Variants in ANGPT1 observed in about 807,000 individuals in gnomAD.
The protein encoded by ANGPT1 is angiopoietin 1.
A neutral mutation model predicts 62.2 loss-of-function variants in ANGPT1; 17 were observed. The ratio of observed to expected loss-of-function variants is 0.27; its 90% CI spans 0.19 to 0.41. ANGPT1 has a LOEUF of 0.41. Ranked by LOEUF, ANGPT1 falls within the 10% of genes least tolerant of loss-of-function variation. ANGPT1 has a pLI of 1.00. For synonymous variants in ANGPT1, 199 were observed against 198.9 expected (o/e 1.00, Z 0.00); for missense variants, 478 against 594.9 (o/e 0.80, Z 2.04).
At position 107,467,968 on chromosome 8, in the gene ANGPT1, G is replaced by C. The variant is rs74590020; in HGVS notation, c.297+29294C>G. ...AGATGAGAAATCTGATGCTCGGAAAGAGCAAGTTACCTAAAGCTACTTTTA... is the reference window on the plus strand; with the variant it reads ...AGATGAGAAATCTGATGCTCGGAAACAGCAAGTTACCTAAAGCTACTTTTA... On this transcript the variant is annotated intron_variant, in intron 1 of 8. Coordinates refer to ENST00000517746, the MANE Select transcript of ANGPT1 (RefSeq NM_001146.5). 6.4e-3 allele frequency among the ~76,000 whole-genome samples: 975 copies of C among 152,238 alleles called. 9 individuals are homozygous for C. Among genetic ancestry groups the C allele is most frequent in the African/African-American group, 0.023 (942 of 41,570 alleles).
rs75766949 is a variant in ANGPT1, at chr8:107,282,292, G to A, written c.1205+2390C>T. 2.1e-4 allele frequency among the ~76,000 whole-genome samples: 32 copies of A among 151,590 alleles called. No individual in the cohort carries two copies. The East Asian group carries it at 6.1e-3, about 29-fold the overall frequency. On this transcript the variant is annotated intron_variant, in intron 7 of 8. Coordinates refer to ENST00000517746, the MANE Select transcript of ANGPT1 (RefSeq NM_001146.5). Reference sequence around the variant, plus strand: ...TTCTGTTAGGTCCCTGCAGGAAAGAGGCCAGAACCACTAACTTCATGTCAG... The same window carrying A: ...TTCTGTTAGGTCCCTGCAGGAAAGAAGCCAGAACCACTAACTTCATGTCAG...
At position 107,303,089 on chromosome 8, in the gene ANGPT1, T is replaced by C. The variant is rs142018552; in HGVS notation, c.936+151A>G. On this transcript the variant is annotated intron_variant, in intron 5 of 8. Coordinates refer to ENST00000517746, the MANE Select transcript of ANGPT1 (RefSeq NM_001146.5). ...TGTACAATAGGGTTTTCATCCTTTA[T>C]GGACCTGGGAAACAGAGTATCTCTG... 5.4e-4 allele frequency: 460 copies of C among 855,254 alleles called. 1 individual carries two copies. The African/African-American group carries it at 7.5e-3, about 14-fold the overall frequency. 53.0% of individuals were successfully genotyped at this position (855,254 alleles called of 1,614,324 possible).
At chr8:107,359,965 T>C (rs950069033) in intron 1 of ANGPT1, among the ~76,000 whole-genome samples, 10 of 152,150 alleles carry the variant, frequency 6.6e-5, no homozygotes, top group Non-Finnish European at 1.5e-4. Context: ...TCATTCTTAG[T>C]AGGAAACTTA....
intron 8 of ANGPT1, among the ~76,000 whole-genome samples, chr8:107,258,577 T>C (rs1319761054): frequency 1.3e-5 from 2 of 152,320 alleles, no homozygotes; most frequent in South Asian, 4.1e-4. Flanking sequence ...TCCAAACTTA[T>C]AAAAGACATT....
At position 107,459,809 on chromosome 8, in the gene ANGPT1, C is replaced by A. The variant is rs7845457; in HGVS notation, c.297+37453G>T. On this transcript the variant is annotated intron_variant, in intron 1 of 8. Transcript: ENST00000517746. ...TGAAGTAGAGGGAAAGTGGTAGGATCCAAAGACGCATCAAGTGAACAGCAC... is the reference window on the plus strand; with the variant it reads ...TGAAGTAGAGGGAAAGTGGTAGGATACAAAGACGCATCAAGTGAACAGCAC... 5.5e-3 allele frequency among the ~76,000 whole-genome samples: 830 copies of A among 152,154 alleles called. 7 individuals are homozygous for A. Among genetic ancestry groups the A allele is most frequent in the African/African-American group, 0.019 (785 of 41,516 alleles).
Position 107,347,175 on chromosome 8 carries a change from A to G in ANGPT1, c.298-78T>C, listed in dbSNP as rs531136310. The G allele has an allele frequency of 5.6e-6, 8 of 1,421,610 alleles. No homozygotes were observed. In the South Asian group the frequency reaches 8.2e-5, roughly 15 times the overall value. The allele number at this position is 1,421,610 out of a possible 1,614,324, so 88.1% of individuals were successfully genotyped here. A position where few individuals can be genotyped will look rare whatever the true frequency, so the allele number is the denominator to read the frequency against. Reference sequence around the variant, plus strand: ...TCGGGCATGTAATATTTACAATAACAAAACAAGACACCGCTGGCAAATCAG... The same window carrying G: ...TCGGGCATGTAATATTTACAATAACGAAACAAGACACCGCTGGCAAATCAG... On this transcript the variant is annotated intron_variant, in intron 1 of 8. Transcript: ENST00000517746.
At chr8:107,389,706 AG>A (rs1430479224) in intron 1 of ANGPT1, among the ~76,000 whole-genome samples, 1 of 152,202 alleles carries the variant, frequency 6.6e-6, no homozygotes, top group African/African-American at 2.4e-5. Context: ...GCAAAAGAGT[AG>A]GTTTGTAGCT....
rs1307457147 is a variant in ANGPT1, at chr8:107,400,586, G to C, written c.298-53489C>G. Among the ~76,000 whole-genome samples, 4 of 149,032 alleles carry C rather than the reference G, an allele frequency of 2.7e-5. No individual in the cohort carries two copies. In the East Asian group the frequency reaches 7.9e-4, roughly 29 times the overall value. On this transcript the variant is annotated intron_variant, in intron 1 of 8. Transcript: ENST00000517746. ...CTTTTTTTTTTTTTTTTGAGACGGA[G>C]TCTCACTCCATTGCCCAAGCTGGAG...
At chr8:107,261,204 A>G (rs1265398909) in intron 8 of ANGPT1, among the ~76,000 whole-genome samples, 1 of 152,130 alleles carries the variant, frequency 6.6e-6, no homozygotes, top group Non-Finnish European at 1.5e-5. Context: ...CATTTATGAG[A>G]TCAGGGAAGT....
At chr8:107,286,760 C>T (rs1251637451) in intron 6 of ANGPT1, among the ~76,000 whole-genome samples, 1 of 152,126 alleles carries the variant, frequency 6.6e-6, no homozygotes. Flanking sequence ...AGTTAGTACT[C>T]CATTGGCTCT....
chr8:107,366,803 A>C (rs1028801430), intron 1 of ANGPT1, among the ~76,000 whole-genome samples: 1 of 152,212 alleles, frequency 6.6e-6, no homozygotes, highest in Admixed American at 6.5e-5. Flanking sequence ...AGAATATGGC[A>C]GAATAGATGC....
At chr8:107,490,911 C>T (rs867123628) in intron 1 of ANGPT1, among the ~76,000 whole-genome samples, 35 of 152,174 alleles carry the variant, frequency 2.3e-4, no homozygotes, top group African/African-American at 7.2e-4. Flanking sequence ...CAAGGGCCAT[C>T]GCTTGTTGAC....
At position 107,249,709 on chromosome 8, in the gene ANGPT1, G is replaced by A. The variant is rs1319421682; in HGVS notation, c.*2146C>T. The A allele has an allele frequency of 2.0e-5, 3 of 151,684 alleles. No individual in the cohort carries two copies. The highest frequency in any genetic ancestry group is 4.4e-5 in the Non-Finnish European group (3 of 67,898). The allele number at this position is 151,684 out of a possible 1,614,324, so 9.4% of individuals were successfully genotyped here. On this transcript the variant is annotated 3_prime_UTR_variant, in exon 9 of 9. Coordinates refer to ENST00000517746, the MANE Select transcript of ANGPT1 (RefSeq NM_001146.5). ...TTATACTGATTTATTATAAATAATT[G>A]GAAACAATATTTCATTTCTCAAACC...
Position 107,497,492 on chromosome 8 carries a change from G to T in ANGPT1, c.67C>A (p.Arg23Ser), listed in dbSNP as rs1178471934. Reference protein sequence around the residue: ...ILTHIGCSNQRRSPENSGRRY... With the variant: ...ILTHIGCSNQSRSPENSGRRY... ...CTCCCACTGTTTTCTGGACTTCGGCGCTGATTGCTGCACCCTATGTGAGTC... is the reference window on the plus strand; with the variant it reads ...CTCCCACTGTTTTCTGGACTTCGGCTCTGATTGCTGCACCCTATGTGAGTC... Residue 23 changes from arginine (R) to serine (S), a missense_variant, in exon 1 of 9, where the codon CGC becomes AGC. This residue lies in a region of ANGPT1 where 343 missense variants were observed against 355.4 expected (regional missense o/e 0.97). Transcript: ENST00000517746. 2 of 1,614,130 alleles carry T rather than the reference G, an allele frequency of 1.2e-6. No individual in the cohort carries two copies. The highest frequency in any genetic ancestry group is 4.5e-5 in the East Asian group (2 of 44,854).
chr8:107,268,633 C>A (rs1813670170), intron 7 of ANGPT1, among the ~76,000 whole-genome samples: 1 of 151,944 alleles, frequency 6.6e-6, no homozygotes, highest in Non-Finnish European at 1.5e-5. Context: ...TATGAATAGC[C>A]AACTGAAAAC....
intron 1 of ANGPT1, among the ~76,000 whole-genome samples, chr8:107,449,427 C>CACAG (rs398009269): frequency 4.5e-4 from 66 of 147,594 alleles, no homozygotes; most frequent in African/African-American, 1.4e-3. Flanking sequence ...CACACACACA[C>CACAG]AGAAAACTTC....
At chr8:107,264,895 T>A (rs1813578067) in intron 7 of ANGPT1, among the ~76,000 whole-genome samples, 2 of 152,172 alleles carry the variant, frequency 1.3e-5, no homozygotes, top group Admixed American at 6.5e-5. Flanking sequence ...TAAGCTGGAA[T>A]TTAGCTGGTA....
intron 3 of ANGPT1, among the ~76,000 whole-genome samples, chr8:107,328,056 G>A (rs532921527): frequency 6.6e-6 from 1 of 152,038 alleles, no homozygotes; most frequent in Non-Finnish European, 1.5e-5. Context: ...AATTCACAGT[G>A]GTGACAGTTG....
At chr8:107,485,343 G>C (rs1812788859) in intron 1 of ANGPT1, among the ~76,000 whole-genome samples, 1 of 152,154 alleles carries the variant, frequency 6.6e-6, no homozygotes, top group African/African-American at 2.4e-5. Flanking sequence ...TGAAAAGAAT[G>C]ACTGAAATCT....
Sources: allele counts gnomAD v4.1 joint callset (sites outside exome capture counted in the v4.1 genomes callset), GRCh38; gene constraint gnomAD v4.1.1; regional missense constraint gnomAD v4.1.1; transcripts MANE v1.5; gene names NCBI Gene and HGNC (gene_info 2026-07-23, HGNC 2026-07-21).